Variants in FHOD3 observed in about 807,000 individuals in gnomAD.
FHOD3 encodes formin homology 2 domain containing 3, also known as FH1/FH2 domain-containing protein 3.
FHOD3 carries 90 observed loss-of-function variants against 173.0 expected under a neutral mutation model. The ratio of observed to expected loss-of-function variants is 0.52; its 90% confidence interval spans 0.44 to 0.62. FHOD3 has a LOEUF of 0.62. FHOD3 is among the 20% of genes least tolerant of loss of function. FHOD3 has a pLI of 0.00. For synonymous variants in FHOD3, 828 were observed against 823.0 expected (o/e 1.01, Z -0.10); for missense variants, 1,945 against 2,034.7 (o/e 0.96, Z 0.85).
In FHOD3 at chr18:36,365,392, A is replaced by G. The variant is rs79143921; in HGVS notation, c.273-7288A>G. Among the ~76,000 whole-genome samples the G allele has an allele frequency of 4.9e-4, 74 of 152,352 alleles. No individual in the cohort carries two copies. The East Asian group carries it at 0.014, about 29-fold the overall frequency. ...TCTGATATCTGATGACCTGGAAGAC[A>G]GGCCATGTGAAAGAAGCCAGACACA... On this transcript the variant is annotated intron_variant, in intron 2 of 28. Coordinates refer to ENST00000590592, the MANE Select transcript of FHOD3 (RefSeq NM_001281740.3).
intron 3 of FHOD3, among the ~76,000 whole-genome samples, chr18:36,470,445 T>A (rs2053215193): frequency 6.6e-6 from 1 of 152,216 alleles, no homozygotes; most frequent in African/African-American, 2.4e-5. Flanking sequence ...TTTGTTGAGA[T>A]GTTTCTGAAG....
intron 10 of FHOD3, 74 bp downstream of exon 10, chr18:36,625,823 C>A: frequency 7.8e-7 from 1 of 1,282,992 alleles, no homozygotes; most frequent in Non-Finnish European, 1.1e-6. Flanking sequence ...GCCTGCCACT[C>A]TCCCCTCCCT....
intron 18 of FHOD3, among the ~76,000 whole-genome samples, chr18:36,714,094 TAAATC>T (rs2040321166): frequency 6.6e-6 from 1 of 152,156 alleles, no homozygotes; most frequent in African/African-American, 2.4e-5. Flanking sequence ...ATGCAAAAAT[TAAATC>T]AGAGAAAAGC....
intron 24 of FHOD3, among the ~76,000 whole-genome samples, chr18:36,750,063 G>A (rs908265354): frequency 6.6e-6 from 1 of 152,152 alleles, no homozygotes; most frequent in Admixed American, 6.5e-5. Flanking sequence ...GCCAAGGTGG[G>A]TGGATCACGA....
rs191295724 is a variant in FHOD3 at position 36,601,309 on chromosome 18, A to G, written c.719-1365A>G. Among the ~76,000 whole-genome samples the G allele has an allele frequency of 3.9e-5, 6 of 152,304 alleles. No homozygotes were observed. The East Asian group carries it at 5.8e-4, about 15-fold the overall frequency. On this transcript the variant is annotated intron_variant, in intron 7 of 28. Transcript: ENST00000590592. Reference sequence around the variant, plus strand: ...CCAGGAGATCTCCATATTGAGCTACATTTGTGCCTTTTACGTCTTGTAGTA... The same window carrying G: ...CCAGGAGATCTCCATATTGAGCTACGTTTGTGCCTTTTACGTCTTGTAGTA...
chr18:36,649,911 C>T (rs972713331), intron 11 of FHOD3, among the ~76,000 whole-genome samples: 1 of 152,112 alleles, frequency 6.6e-6, no homozygotes, highest in African/African-American at 2.4e-5. Flanking sequence ...CAAAATTTCC[C>T]AGTATTTATT....
intron 5 of FHOD3, among the ~76,000 whole-genome samples, chr18:36,573,617 T>C (rs2058539393): frequency 6.6e-6 from 1 of 152,018 alleles, no homozygotes; most frequent in African/African-American, 2.4e-5. Flanking sequence ...TAAAAGAAGA[T>C]TTGAGTGTTT....
chr18:36,589,798 TG>T (rs2059152634), intron 6 of FHOD3, among the ~76,000 whole-genome samples: 2 of 152,126 alleles, frequency 1.3e-5, no homozygotes, highest in African/African-American at 4.8e-5. Flanking sequence ...TGTACTCCTG[TG>T]TGACTGCTTT....
intron 8 of FHOD3, among the ~76,000 whole-genome samples, chr18:36,605,121 G>T (rs539138864): frequency 6.6e-6 from 1 of 152,240 alleles, no homozygotes; most frequent in East Asian, 1.9e-4. Context: ...CTTTTTGTGA[G>T]CTCATTTTAC....
At chr18:36,595,320 T>C (rs768773489) in intron 7 of FHOD3, among the ~76,000 whole-genome samples, 2 of 152,106 alleles carry the variant, frequency 1.3e-5, no homozygotes, top group Non-Finnish European at 2.9e-5. Context: ...TGCCCTGCCT[T>C]ACTCAGGCCC....
intron 28 of FHOD3, among the ~76,000 whole-genome samples, chr18:36,775,099 A>T (rs1254535146): frequency 6.6e-6 from 1 of 152,232 alleles, no homozygotes; most frequent in East Asian, 1.9e-4. Flanking sequence ...GGGACCTCCC[A>T]GCCACAAGAC....
intron 3 of FHOD3, among the ~76,000 whole-genome samples, chr18:36,447,124 A>G (rs989882000): frequency 3.9e-5 from 6 of 152,192 alleles, no homozygotes; most frequent in African/African-American, 1.4e-4. Context: ...ATCCAGAGAC[A>G]AGGGGTGCAG....
chr18:36,426,009 C>T (rs2050222959), intron 3 of FHOD3, among the ~76,000 whole-genome samples: 1 of 151,978 alleles, frequency 6.6e-6, no homozygotes, highest in Admixed American at 6.5e-5. Flanking sequence ...CATGCCATTC[C>T]TCTGCCTCAG....
At chr18:36,699,150 G>A (rs1300584803) in intron 17 of FHOD3, among the ~76,000 whole-genome samples, 2 of 152,202 alleles carry the variant, frequency 1.3e-5, no homozygotes, top group Admixed American at 6.5e-5. Flanking sequence ...CTGAAGAAAC[G>A]TGGGAGAGCT....
intron 19 of FHOD3, among the ~76,000 whole-genome samples, chr18:36,719,785 C>G (rs1466545638): frequency 6.6e-6 from 1 of 152,112 alleles, no homozygotes; most frequent in Non-Finnish European, 1.5e-5. Context: ...ACAAGTGAGC[C>G]CTTCAGACGA....
intron 5 of FHOD3, among the ~76,000 whole-genome samples, chr18:36,543,869 T>C (rs1426132158): frequency 6.6e-6 from 1 of 152,230 alleles, no homozygotes; most frequent in Admixed American, 6.5e-5. Flanking sequence ...AAAAAGATCA[T>C]ATTTCTAATC....
chr18:36,404,090 C>T (rs2048946763), intron 3 of FHOD3, among the ~76,000 whole-genome samples: 1 of 152,228 alleles, frequency 6.6e-6, no homozygotes, highest in Non-Finnish European at 1.5e-5. Context: ...TCTCTTCCCT[C>T]CCGCAATCTG....
At chr18:36,683,690 T>C (rs963006480) in intron 15 of FHOD3, among the ~76,000 whole-genome samples, 8 of 152,150 alleles carry the variant, frequency 5.3e-5, no homozygotes, top group Non-Finnish European at 7.4e-5. Flanking sequence ...AAGATAAAAG[T>C]GTAGAGAATT....
At chr18:36,494,439 G>A (rs758032956) in intron 3 of FHOD3, among the ~76,000 whole-genome samples, 3 of 152,156 alleles carry the variant, frequency 2.0e-5, no homozygotes, top group East Asian at 1.9e-4. Context: ...CCTTCTTGTG[G>A]TTACCAAAGA....
Sources: allele counts gnomAD v4.1 joint callset (sites outside exome capture counted in the v4.1 genomes callset), GRCh38; gene constraint gnomAD v4.1.1; transcripts MANE v1.5; gene names NCBI Gene and HGNC (gene_info 2026-07-23, HGNC 2026-07-21).